Variants in NCK2 observed in about 807,000 individuals in gnomAD.
NCK2 encodes the protein NCK adaptor protein 2.
Under a neutral mutation model 33.9 loss-of-function variants are expected in NCK2, and 16 were observed. That is an observed-to-expected ratio of 0.47 (90% CI 0.32 to 0.72). NCK2 has a LOEUF of 0.72. Ranked by LOEUF, NCK2 falls within the 30% of genes least tolerant of loss-of-function variation. The pLI is 0.03. For synonymous variants in NCK2, 273 were observed against 239.9 expected, an observed-to-expected ratio of 1.14 and a Z score of -1.27; for missense variants, 418 against 537.3, an observed-to-expected ratio of 0.78 and a Z score of 2.19.
chr2:105,764,124 C>T (rs536243842), intron 1 of NCK2, among the ~76,000 whole-genome samples: 59 of 152,354 alleles, frequency 3.9e-4, no homozygotes, highest in African/African-American at 1.0e-3. Context: ...CTGGCAGCTT[C>T]GCTTTGCAGA....
intron 2 of NCK2, among the ~76,000 whole-genome samples, chr2:105,824,186 C>T (rs766509881): frequency 1.3e-5 from 2 of 150,572 alleles, no homozygotes; most frequent in African/African-American, 5.0e-5. Flanking sequence ...GTGAGTGCCC[C>T]CTCCCTTTAT....
At chr2:105,771,235 T>G (rs1160520686) in intron 1 of NCK2, among the ~76,000 whole-genome samples, 1 of 151,754 alleles carries the variant, frequency 6.6e-6, no homozygotes, top group Non-Finnish European at 1.5e-5. Flanking sequence ...TATCACTATT[T>G]CTATCCCCTT....
At chr2:105,788,727 T>A (rs148018944) in intron 1 of NCK2, among the ~76,000 whole-genome samples, 181 of 152,024 alleles carry the variant, frequency 1.2e-3, no homozygotes, top group African/African-American at 3.7e-3. Flanking sequence ...GAATGCATAA[T>A]TTTTTTTGTT....
At chr2:105,748,410 G>C (rs1398922334) in intron 1 of NCK2, among the ~76,000 whole-genome samples, 1 of 151,632 alleles carries the variant, frequency 6.6e-6, no homozygotes, top group Non-Finnish European at 1.5e-5. Context: ...TTTAAGGCAG[G>C]GTTTCACCCT....
chr2:105,780,329 C>T (rs12613162), intron 1 of NCK2, among the ~76,000 whole-genome samples: 1,949 of 77,002 alleles, frequency 0.025, 20 homozygotes, highest in African/African-American at 0.13. Context: ...GATATATACA[C>T]ACACACACAC....
chr2:105,881,311 T>C lies in NCK2; in HGVS notation c.227-17T>C. ...CCCAAGTGCCCTGCGCCACTGAGCC[T>C]TGCTGTGTCTCCACAGGCCTCGGCA... On this transcript the variant is annotated splice_polypyrimidine_tract_variant and intron_variant, in intron 3 of 4. Transcript: ENST00000233154. 1.9e-6 allele frequency: 3 copies of C among 1,571,886 alleles called. No homozygotes were observed. Among genetic ancestry groups the C allele is most frequent in the Non-Finnish European group, 2.6e-6 (3 of 1,162,374 alleles).
At chr2:105,841,754 T>TAA (rs1676655800) in intron 2 of NCK2, among the ~76,000 whole-genome samples, 1 of 152,208 alleles carries the variant, frequency 6.6e-6, no homozygotes, top group African/African-American at 2.4e-5. Flanking sequence ...AAAAGACACT[T>TAA]ACATTTGAGG....
At chr2:105,757,185 C>G (rs1010977673) in intron 1 of NCK2, among the ~76,000 whole-genome samples, 2 of 152,164 alleles carry the variant, frequency 1.3e-5, no homozygotes, top group Non-Finnish European at 2.9e-5. Context: ...GATGAGTCTC[C>G]TTTTCCTTTG....
At chr2:105,850,248 T>C (rs1416024796) in intron 2 of NCK2, among the ~76,000 whole-genome samples, 2 of 152,190 alleles carry the variant, frequency 1.3e-5, no homozygotes, top group African/African-American at 4.8e-5. Flanking sequence ...TTTAATGTTG[T>C]AGGGGCACTG....
chr2:105,752,138 C>T (rs1215585790), intron 1 of NCK2, among the ~76,000 whole-genome samples: 4 of 152,154 alleles, frequency 2.6e-5, no homozygotes, highest in East Asian at 1.9e-4. Context: ...CTTGGCCACA[C>T]GCGACTAGTG....
In NCK2 at chr2:105,837,278, C is replaced by T. The variant is rs183980757; in HGVS notation, c.-16-17770C>T. Among the ~76,000 whole-genome samples the T allele has an allele frequency of 5.3e-5, 8 of 152,264 alleles. No individual in the cohort carries two copies. In the East Asian group the frequency reaches 5.8e-4, roughly 11 times the overall value. ...TGACGTCAAGCTCCTTGATTTTTAA[C>T]GTTAGTTTTACCACATATGTAAGTC... On this transcript the variant is annotated intron_variant, in intron 2 of 4. Coordinates refer to ENST00000233154, the MANE Select transcript of NCK2 (RefSeq NM_003581.5).
intron 1 of NCK2, among the ~76,000 whole-genome samples, chr2:105,788,648 C>T (rs968677637): frequency 3.9e-5 from 6 of 152,144 alleles, no homozygotes; most frequent in African/African-American, 1.4e-4. Flanking sequence ...TGCAGAACTT[C>T]CTCATCTCTA....
chr2:105,804,029 C>T (rs551345642), intron 1 of NCK2, among the ~76,000 whole-genome samples: 1 of 152,122 alleles, frequency 6.6e-6, no homozygotes, highest in African/African-American at 2.4e-5. Context: ...CTCTGCCATC[C>T]CTCTCCCTCT....
intron 1 of NCK2, among the ~76,000 whole-genome samples, chr2:105,764,668 G>A (rs1325313344): frequency 6.6e-6 from 1 of 152,132 alleles, no homozygotes; most frequent in Admixed American, 6.5e-5. Flanking sequence ...CTTTTTCTTG[G>A]TGTGAATTTA....
At chr2:105,870,709 C>T (rs1395715214) in intron 3 of NCK2, among the ~76,000 whole-genome samples, 1 of 152,070 alleles carries the variant, frequency 6.6e-6, no homozygotes, top group African/African-American at 2.4e-5. Context: ...CAAGATCGCG[C>T]CACCTCACTC....
intron 1 of NCK2, among the ~76,000 whole-genome samples, chr2:105,748,436 G>A (rs1689358263): frequency 6.6e-6 from 1 of 152,086 alleles, no homozygotes; most frequent in South Asian, 2.1e-4. Flanking sequence ...CCAGGCTGGA[G>A]TACAGTAGCA....
At chr2:105,793,264 G>GT (rs1000269165) in intron 1 of NCK2, among the ~76,000 whole-genome samples, 3 of 152,168 alleles carry the variant, frequency 2.0e-5, no homozygotes, top group Non-Finnish European at 4.4e-5. Context: ...AGTGCTGCCT[G>GT]TTTTTTTGTC....
intron 1 of NCK2, among the ~76,000 whole-genome samples, chr2:105,772,188 T>C (rs1189307509): frequency 6.6e-6 from 1 of 152,090 alleles, no homozygotes; most frequent in African/African-American, 2.4e-5. Flanking sequence ...TCTCGGAGCC[T>C]CCTGGGAACT....
At chr2:105,778,128 T>A (rs954408596) in intron 1 of NCK2, among the ~76,000 whole-genome samples, 4 of 152,148 alleles carry the variant, frequency 2.6e-5, no homozygotes, top group African/African-American at 4.8e-5. Flanking sequence ...AAGGACAAGA[T>A]GTGTTGTGAA....
Sources: allele counts gnomAD v4.1 joint callset (sites outside exome capture counted in the v4.1 genomes callset), GRCh38; gene constraint gnomAD v4.1.1; transcripts MANE v1.5; gene names NCBI Gene and HGNC (gene_info 2026-07-23, HGNC 2026-07-21).